The following CLOCK variants were observed in gnomAD, a reference collection of about 807,000 sequenced individuals.
The protein encoded by CLOCK is clock circadian regulator, also known as circadian locomoter output cycles protein kaput.
In CLOCK, 43 loss-of-function variants were observed where a neutral mutation model predicts 118.4. The observed-to-expected ratio is 0.36, with a 90% CI of 0.28 to 0.47. CLOCK has a LOEUF of 0.47. Ranked by LOEUF, CLOCK falls within the 20% of genes least tolerant of loss-of-function variation. The pLI, the probability that CLOCK is intolerant of heterozygous loss-of-function variation, is 1.00. For synonymous variants in CLOCK, 326 were observed against 339.2 expected (o/e 0.96, Z 0.43); for missense variants, 846 against 999.9 (o/e 0.85, Z 2.08).
chr4:55,448,994 A>T, intron 17 of CLOCK, 126 bp from the exon 18 acceptor site: 6 of 763,882 alleles, frequency 7.9e-6, no homozygotes, highest in Non-Finnish European at 1.1e-5. Flanking sequence ...TTGTTAGCTG[A>T]ATACAGCTAT....
chr4:55,435,680 G>C, intron 22 of CLOCK, 86 bp from the exon 23 acceptor site: 2 of 1,381,710 alleles, frequency 1.4e-6, no homozygotes, highest in South Asian at 2.4e-5. Flanking sequence ...CCTGTCCATA[G>C]GGACAAAATC....
chr4:55,480,992 T>G (rs778072625), intron 4 of CLOCK, among the ~76,000 whole-genome samples: 9 of 151,830 alleles, frequency 5.9e-5, no homozygotes, highest in Non-Finnish European at 1.0e-4. Flanking sequence ...AGGATCTAAG[T>G]GACAAGAAGG....
chr4:55,524,015 A>C (rs1029694398), intron 1 of CLOCK, among the ~76,000 whole-genome samples: 7 of 152,128 alleles, frequency 4.6e-5, no homozygotes, highest in African/African-American at 1.7e-4. Context: ...TTATCCAGTA[A>C]ATTTTGGCAT....
intron 1 of CLOCK, among the ~76,000 whole-genome samples, chr4:55,530,005 G>A (rs1288587171): frequency 6.6e-6 from 1 of 152,170 alleles, no homozygotes; most frequent in Non-Finnish European, 1.5e-5. Flanking sequence ...GATCAATCAA[G>A]AAAGCCAATA....
chr4:55,450,196 CTG>C lies in CLOCK; in HGVS notation c.1241_1242del (p.Thr414SerfsTer11). The C allele has an allele frequency of 6.2e-7, 1 of 1,613,992 alleles. No individual in the cohort carries two copies. The highest frequency in any genetic ancestry group is 8.5e-7 in the Non-Finnish European group (1 of 1,179,968). The part of the protein sequence containing the change: ...QDSGSDNRIN[T>X]VSLKEALERF... ...CTTTCCAATGCTTCCTTGAGACTGA[CTG>C]TGTTTATACGATTATCTGACCCAGA... On this transcript the variant is annotated frameshift_variant, in exon 16 of 23. Transcript: ENST00000513440. LOFTEE classifies it high-confidence loss of function.
chr4:55,438,726 C>A (rs1219968641), intron 21 of CLOCK, among the ~76,000 whole-genome samples, 189 bp from the exon 22 acceptor site: 1 of 152,136 alleles, frequency 6.6e-6, no homozygotes, highest in Non-Finnish European at 1.5e-5. Flanking sequence ...ACAAAAAATT[C>A]ATACAGCAAG....
intron 18 of CLOCK, among the ~76,000 whole-genome samples, chr4:55,446,420 T>G (rs1371621304): frequency 6.6e-6 from 1 of 152,196 alleles, no homozygotes; most frequent in Non-Finnish European, 1.5e-5. Context: ...CACCTGGAGT[T>G]AATTTGTATC....
intron 1 of CLOCK, among the ~76,000 whole-genome samples, chr4:55,537,713 G>C (rs897896577): frequency 6.6e-6 from 1 of 152,216 alleles, no homozygotes; most frequent in Non-Finnish European, 1.5e-5. Context: ...AGGATCACTT[G>C]AGCCTGAGAG....
Position 55,430,080 on chromosome 4 carries a change from A to G in CLOCK, c.*5335T>C, listed in dbSNP as rs1203131988. The stretch of plus-strand genomic sequence containing the variant: ...CACAGGTATTTTAAAATATAAATAA[A>G]TACATTTAGCCATTTTTATTCAAGA... On this transcript the variant is annotated 3_prime_UTR_variant, in exon 23 of 23. Transcript: ENST00000513440. 1 of 152,234 alleles carries G rather than the reference A, an allele frequency of 6.6e-6. No homozygotes were observed. The highest frequency in any genetic ancestry group is 6.5e-5 in the Admixed American group (1 of 15,282). 9.4% of individuals were successfully genotyped at this position (152,234 alleles called of 1,614,324 possible).
chr4:55,516,382 A>C (rs993459384), intron 1 of CLOCK, among the ~76,000 whole-genome samples: 1 of 152,232 alleles, frequency 6.6e-6, no homozygotes, highest in East Asian at 1.9e-4. Flanking sequence ...CTCCACTGTT[A>C]GCTGCACAGA....
chr4:55,483,130 A>T (rs1305256179), intron 3 of CLOCK, among the ~76,000 whole-genome samples: 2 of 152,196 alleles, frequency 1.3e-5, no homozygotes, highest in Non-Finnish European at 2.9e-5. Flanking sequence ...ATATAACTAC[A>T]AATAGTCTGT....
At chr4:55,487,656 A>G (rs1317169932) in intron 3 of CLOCK, among the ~76,000 whole-genome samples, 1 of 152,106 alleles carries the variant, frequency 6.6e-6, no homozygotes, top group East Asian at 1.9e-4. Flanking sequence ...AAAGTTAAGA[A>G]AAGGATCCAT....
At chr4:55,541,971 G>A (rs1731298507) in intron 1 of CLOCK, among the ~76,000 whole-genome samples, 1 of 148,950 alleles carries the variant, frequency 6.7e-6, no homozygotes, top group South Asian at 2.1e-4. Flanking sequence ...AAAACAGCCA[G>A]AAATAGGCTC....
At chr4:55,523,406 T>C (rs1729965465) in intron 1 of CLOCK, among the ~76,000 whole-genome samples, 1 of 152,194 alleles carries the variant, frequency 6.6e-6, no homozygotes. Flanking sequence ...AGAACAGTCA[T>C]CACTATTTAC....
intron 1 of CLOCK, among the ~76,000 whole-genome samples, chr4:55,530,113 T>C (rs1730440073): frequency 6.6e-6 from 1 of 151,592 alleles, no homozygotes; most frequent in South Asian, 2.1e-4. Flanking sequence ...GGGAGACACT[T>C]GCATTTCAAC....
chr4:55,454,313 A>G (rs1724733647), intron 13 of CLOCK, among the ~76,000 whole-genome samples: 1 of 152,086 alleles, frequency 6.6e-6, no homozygotes, highest in Non-Finnish European at 1.5e-5. Context: ...AACAGATATT[A>G]AACAAAAAAA....
At chr4:55,504,345 T>G (rs559721045) in intron 2 of CLOCK, among the ~76,000 whole-genome samples, 1 of 148,418 alleles carries the variant, frequency 6.7e-6, no homozygotes, top group Non-Finnish European at 1.5e-5. Context: ...TAGTTTTAGC[T>G]GGAATTGAAA....
rs996260477 is a variant in CLOCK at position 55,521,967 on chromosome 4, T to G, written c.-289-11902A>C. Among the ~76,000 whole-genome samples the G allele has an allele frequency of 3.3e-5, 5 of 152,120 alleles. No homozygotes were observed. The East Asian group carries it at 7.7e-4, about 24-fold the overall frequency. The stretch of plus-strand genomic sequence containing the variant: ...TAATATGGGTCTTTCAAAACAGAGA[T>G]AGAGAGATCACAAATAGAGTCATAT... On this transcript the variant is annotated intron_variant, in intron 1 of 22. Transcript: ENST00000513440.
chr4:55,476,126 T>G, intron 6 of CLOCK, 72 bp from the exon 7 acceptor site: 1 of 943,608 alleles, frequency 1.1e-6, no homozygotes, highest in Non-Finnish European at 1.7e-6. Context: ...CAAGTTATCT[T>G]GTCTCTTCCC....
Sources: gnomAD v4.1 joint callset for allele counts (sites outside exome capture counted in the v4.1 genomes callset) on GRCh38, gnomAD v4.1.1 for gene constraint, MANE v1.5 for transcripts, NCBI Gene and HGNC (gene_info 2026-07-23, HGNC 2026-07-21) for gene names.